Variants in LMCD1 observed in about 807,000 individuals in gnomAD.
LMCD1 encodes LIM and cysteine rich domains 1.
Under a neutral mutation model 42.7 loss-of-function variants are expected in LMCD1, and 32 were observed. The observed-to-expected ratio is 0.75, with a 90% CI of 0.57 to 1.01. The LOEUF is 1.01. LMCD1 is among the 50% of genes least tolerant of loss of function. The pLI is 0.00. For missense variants in LMCD1, 458 were observed against 483.1 expected (o/e 0.95, Z 0.49); for synonymous variants, 178 against 184.9 (o/e 0.96, Z 0.30).
In LMCD1 at chr3:8,532,785, T is replaced by G; in HGVS notation, c.91T>G (p.Cys31Gly). The change falls in exon 2 of 6, where the codon TGC becomes GGC. Residue 31 changes from cysteine (C) to glycine (G), a missense_variant. Cys to Gly is a radical substitution (Grantham distance 159). Transcript: ENST00000157600. ...QSARGVACLG[C>G]KGTCSGFEPH... ...AGCAAGAGGTGTGGCATGTTTGGGATGCAAGGGGACGTGTTCGGGCTTCGA... is the reference window on the plus strand; with the variant it reads ...AGCAAGAGGTGTGGCATGTTTGGGAGGCAAGGGGACGTGTTCGGGCTTCGA... 1 of 1,613,828 alleles carries G rather than the reference T, an allele frequency of 6.2e-7. No individual in the cohort carries two copies. The highest frequency in any genetic ancestry group is 8.5e-7 in the Non-Finnish European group (1 of 1,179,882).
chr3:8,537,259 T>G lies in LMCD1; in HGVS notation c.206T>G (p.Ile69Ser), dbSNP rs1452686912. The G allele has an allele frequency of 1.2e-6, 2 of 1,613,706 alleles. No homozygotes were observed. Among genetic ancestry groups the G allele is most frequent in the Non-Finnish European group, 1.7e-6 (2 of 1,179,976 alleles). Reference sequence around the variant, plus strand: ...TCTGACCTAGAAGACGATCGGAAAATTGGCCGCTTGCTGATGGACTCCAAG... The same window carrying G: ...TCTGACCTAGAAGACGATCGGAAAAGTGGCCGCTTGCTGATGGACTCCAAG... ...LTSDLEDDRK[I>S]GRLLMDSKYS... Residue 69 changes from isoleucine to serine, a missense_variant, in exon 3 of 6, where the codon ATT (isoleucine) becomes AGT (serine). Transcript: ENST00000157600.
chr3:8,510,914 G>T (rs913420431), intron 1 of LMCD1, among the ~76,000 whole-genome samples: 2 of 152,198 alleles, frequency 1.3e-5, no homozygotes, highest in African/African-American at 4.8e-5. Context: ...ATCAAGCTGA[G>T]GCATTAGCAG....
intron 1 of LMCD1, among the ~76,000 whole-genome samples, chr3:8,508,355 A>G (rs982276849): frequency 1.3e-5 from 2 of 152,168 alleles, no homozygotes; most frequent in Middle Eastern, 3.2e-3. Context: ...CTTTAAAAGG[A>G]AATATAATTG....
At chr3:8,549,291 C>T (rs1231787726) in intron 4 of LMCD1, among the ~76,000 whole-genome samples, 1 of 152,068 alleles carries the variant, frequency 6.6e-6, no homozygotes, top group Non-Finnish European at 1.5e-5. Flanking sequence ...AAGAGGTGAG[C>T]ATTTGCAAAA....
Position 8,501,834 on chromosome 3 carries a change from C to A in LMCD1, c.-105C>A. On this transcript the variant is annotated 5_prime_UTR_variant, in exon 1 of 6. Coordinates refer to ENST00000157600, the MANE Select transcript of LMCD1 (RefSeq NM_014583.4). The stretch of plus-strand genomic sequence containing the variant: ...CTGCGCCTGGCTGCGCACAGAGCTC[C>A]CTCCCAGGCCCGCGAACTTGGCCAT... The A allele has an allele frequency of 1.0e-6, 1 of 967,092 alleles. No individual in the cohort carries two copies. Among genetic ancestry groups the A allele is most frequent in the Non-Finnish European group, 1.6e-6 (1 of 644,950 alleles). The allele number at this position is 967,092 out of a possible 1,614,324, so 59.9% of individuals were successfully genotyped here.
At chr3:8,510,823 A>G (rs1272011277) in intron 1 of LMCD1, among the ~76,000 whole-genome samples, 1 of 152,206 alleles carries the variant, frequency 6.6e-6, no homozygotes, top group Non-Finnish European at 1.5e-5. Context: ...TTTTTATCTT[A>G]TGCATTTAAG....
chr3:8,506,847 C>A (rs952996758), intron 1 of LMCD1, among the ~76,000 whole-genome samples: 2 of 152,158 alleles, frequency 1.3e-5, no homozygotes, highest in Non-Finnish European at 2.9e-5. Context: ...GGATGAGAAC[C>A]AGGGTTCCTT....
intron 1 of LMCD1, among the ~76,000 whole-genome samples, chr3:8,515,827 G>A (rs1694086942): frequency 6.6e-6 from 1 of 152,066 alleles, no homozygotes; most frequent in Admixed American, 6.6e-5. Flanking sequence ...TAGAGGAGGG[G>A]AGACCATTAA....
rs114937419 is a variant in LMCD1 at position 8,567,940 on chromosome 3, G to A, written c.*342G>A. The A allele has an allele frequency of 5.2e-3, 896 of 173,662 alleles. 11 individuals are homozygous for A. Among genetic ancestry groups the A allele is most frequent in the African/African-American group, 0.02 (860 of 42,310 alleles). The allele number at this position is 173,662 out of a possible 1,614,324, so 10.8% of individuals were successfully genotyped here. On this transcript the variant is annotated 3_prime_UTR_variant, in exon 6 of 6. Transcript: ENST00000157600. ...GAGGAGTTTTCCAGAATGCAATTCC[G>A]AGTGAGCAAATCGCATAGCTGTAGA... is the stretch of plus-strand genomic sequence containing the variant.
At chr3:8,535,783 G>T (rs1337124814) in intron 2 of LMCD1, among the ~76,000 whole-genome samples, 1 of 152,148 alleles carries the variant, frequency 6.6e-6, no homozygotes, top group African/African-American at 2.4e-5. Flanking sequence ...TCACAACAAG[G>T]CCTTCTTCTC....
chr3:8,510,014 T>G (rs1043204294), intron 1 of LMCD1, among the ~76,000 whole-genome samples: 2 of 152,188 alleles, frequency 1.3e-5, no homozygotes, highest in Admixed American at 6.5e-5. Context: ...GTTTGGGTTG[T>G]ATTTTTCACA....
chr3:8,542,973 T>G (rs1050115509), intron 3 of LMCD1, among the ~76,000 whole-genome samples: 5 of 152,306 alleles, frequency 3.3e-5, no homozygotes, highest in East Asian at 1.9e-4. Flanking sequence ...GTCAGCAGTC[T>G]TCCCAGGAAG....
At chr3:8,552,795 C>A (rs992642023) in intron 4 of LMCD1, among the ~76,000 whole-genome samples, 7 of 152,160 alleles carry the variant, frequency 4.6e-5, no homozygotes, top group Admixed American at 6.5e-5. Flanking sequence ...ACAGTCTCGG[C>A]TCACTGCAAG....
At chr3:8,546,258 C>T (rs137886374) in intron 3 of LMCD1, among the ~76,000 whole-genome samples, 7 of 152,294 alleles carry the variant, frequency 4.6e-5, no homozygotes, top group African/African-American at 1.4e-4. Flanking sequence ...CATCACCTAA[C>T]GATAGCTGAT....
At chr3:8,554,404 A>C (rs1249948772) in intron 4 of LMCD1, among the ~76,000 whole-genome samples, 1 of 151,774 alleles carries the variant, frequency 6.6e-6, no homozygotes, top group Non-Finnish European at 1.5e-5. Context: ...TATATATGTG[A>C]GTGTTTAGGT....
intron 4 of LMCD1, chr3:8,551,410 C>T (rs1169702627): frequency 3.3e-6 from 3 of 898,528 alleles, no homozygotes; most frequent in Admixed American, 1.2e-4. Context: ...CTGTCAGGGT[C>T]TATCTTTAAT....
At position 8,570,756 on chromosome 3, in the gene LMCD1, G is replaced by A. The variant is rs1055503089; in HGVS notation, c.*3158G>A. ...ACTCTCCTCTTCAAGAACAATCAGG[G>A]GCTCCCTGTTGCACACACAGAAAAA... is the stretch of plus-strand genomic sequence containing the variant. On this transcript the variant is annotated 3_prime_UTR_variant, in exon 6 of 6. Transcript: ENST00000157600. 4.6e-5 allele frequency: 7 copies of A among 152,138 alleles called. No individual in the cohort carries two copies. Among genetic ancestry groups the A allele is most frequent in the African/African-American group, 1.7e-4 (7 of 41,398 alleles). 9.4% of individuals were successfully genotyped at this position (152,138 alleles called of 1,614,324 possible).
rs573479926 is a variant in LMCD1 at position 8,572,755 on chromosome 3, G to A, written c.*5157G>A. 1.2e-4 allele frequency: 18 copies of A among 152,300 alleles called. No homozygotes were observed. Among genetic ancestry groups the A allele is most frequent in the African/African-American group, 4.1e-4 (17 of 41,562 alleles). 9.4% of individuals were successfully genotyped at this position (152,300 alleles called of 1,614,324 possible). On this transcript the variant is annotated 3_prime_UTR_variant, in exon 6 of 6. Transcript: ENST00000157600. The stretch of plus-strand genomic sequence containing the variant: ...CAAAGAAAGCTCCTTCAAACTGGTT[G>A]CTATGTCCTTTTGACATGGCCCATC...
At chr3:8,563,829 T>G (rs1695081924) in intron 4 of LMCD1, among the ~76,000 whole-genome samples, 1 of 152,342 alleles carries the variant, frequency 6.6e-6, no homozygotes, top group East Asian at 1.9e-4. Flanking sequence ...GGCGACAGTA[T>G]GTACCCTTGA....
Sources: gnomAD v4.1 joint callset for allele counts (sites outside exome capture counted in the v4.1 genomes callset) on GRCh38, gnomAD v4.1.1 for gene constraint, MANE v1.5 for transcripts, NCBI Gene and HGNC (gene_info 2026-07-23, HGNC 2026-07-21) for gene names.